Variants in MED23 observed in about 807,000 individuals in gnomAD.
The protein encoded by MED23 is mediator complex subunit 23, also known as mediator of RNA polymerase II transcription subunit 23.
MED23 carries 105 observed loss-of-function variants against 163.9 expected under a neutral mutation model. The ratio of observed to expected loss-of-function variants is 0.64; its 90% confidence interval spans 0.55 to 0.75. The LOEUF is 0.75. Ranked by LOEUF, MED23 falls within the 30% of genes least tolerant of loss-of-function variation. MED23 has a pLI of 0.00. For synonymous variants in MED23, 561 were observed against 565.6 expected (o/e 0.99, Z 0.12); for missense variants, 1,054 against 1,649.0 (o/e 0.64, Z 6.25).
intron 24 of MED23, chr6:131,592,664 AATCATT>A (rs1774732920): frequency 1.6e-6 from 1 of 613,500 alleles, no homozygotes; most frequent in Admixed American, 2.8e-5. Flanking sequence ...CTTCCTCCCC[AATCATT>A]ATCCCATACT....
intron 1 of MED23, 90 bp from the exon 2 acceptor site, chr6:131,627,762 G>T: frequency 1.6e-6 from 2 of 1,266,932 alleles, no homozygotes; most frequent in Non-Finnish European, 2.3e-6. Context: ...CACAGGGCAA[G>T]TCACCTTAAT....
At chr6:131,619,993 A>G in intron 7 of MED23, 97 bp from the exon 8 acceptor site, 1 of 794,000 alleles carries the variant, frequency 1.3e-6, no homozygotes, top group Non-Finnish European at 2.2e-6. Flanking sequence ...AAAATGAGAT[A>G]ATATATGTAA....
rs751510814 is a variant in MED23 at position 131,590,475 on chromosome 6, T to C, written c.3687-33A>G. ...TTGAAGATAAAAATCTCCTGTGACT[T>C]GAAATTATTTAAATTGTTTGAATTT... On this transcript the variant is annotated intron_variant, in intron 26 of 28. Coordinates refer to ENST00000368068, the MANE Select transcript of MED23 (RefSeq NM_004830.4). 3.3e-6 allele frequency: 5 copies of C among 1,519,164 alleles called. No homozygotes were observed. In the East Asian group the frequency reaches 9.1e-5, roughly 28 times the overall value. The allele number at this position is 1,519,164 out of a possible 1,614,324, so 94.1% of individuals were successfully genotyped here.
At chr6:131,592,527 C>T in intron 24 of MED23, 67 bp from the exon 25 acceptor site, 1 of 1,343,024 alleles carries the variant, frequency 7.4e-7, no homozygotes. Flanking sequence ...GACAACGGAT[C>T]TTATTTTTAA....
downstream of MED23, chr6:131,583,762 A>G (rs1774060317): frequency 1.2e-6 from 2 of 1,614,046 alleles, no homozygotes; most frequent in Non-Finnish European, 1.7e-6. Context: ...AGGATTAGAT[A>G]TAATGGAAGT....
intron 17 of MED23, among the ~76,000 whole-genome samples, chr6:131,601,903 C>T (rs1775512824): frequency 6.6e-6 from 1 of 151,396 alleles, no homozygotes; most frequent in Non-Finnish European, 1.5e-5. Context: ...AGATATAATC[C>T]ATATAAACAG....
chr6:131,583,179 T>A (rs1562361041), downstream of MED23: 2 of 1,608,938 alleles, frequency 1.2e-6, no homozygotes, highest in Non-Finnish European at 1.7e-6. Flanking sequence ...GATTCTTTTG[T>A]GTGTGCACAC....
chr6:131,574,096 TAAAG>T, exon 31 of MED23: 1 of 691,280 alleles, frequency 1.4e-6, no homozygotes, highest in South Asian at 1.7e-5. Context: ...CTTATTCTAG[TAAAG>T]AGAGTGTGAT....
intron 14 of MED23, 150 bp downstream of exon 14, chr6:131,605,089 AT>A (rs1585511997): frequency 5.2e-6 from 4 of 775,728 alleles, no homozygotes; most frequent in Non-Finnish European, 8.0e-6. Context: ...ATAATAAAAA[AT>A]ATTTACTTTT....
chr6:131,596,229 A>C, intron 21 of MED23, 66 bp from the exon 22 acceptor site: 3 of 1,370,288 alleles, frequency 2.2e-6, no homozygotes, highest in South Asian at 2.4e-5. Flanking sequence ...AAAGAGCTAA[A>C]TGTGAAAACA....
intron 11 of MED23, among the ~76,000 whole-genome samples, chr6:131,609,364 T>A (rs1049584962): frequency 6.6e-6 from 1 of 152,116 alleles, no homozygotes; most frequent in Non-Finnish European, 1.5e-5. Flanking sequence ...TTCTCACACA[T>A]CTCTATCCCT....
Position 131,596,332 on chromosome 6 carries a change from G to T in MED23, c.2779-169C>A, listed in dbSNP as rs930442986. ...AGAAGTCCTTATGTCCACTAAAACT[G>T]CAGTTTCAATTTATTCTCAACATTA... is the stretch of plus-strand genomic sequence containing the variant. On this transcript the variant is annotated intron_variant, in intron 21 of 28. Coordinates refer to ENST00000368068, the MANE Select transcript of MED23 (RefSeq NM_004830.4). 10 of 854,816 alleles carry T rather than the reference G, an allele frequency of 1.2e-5. No homozygotes were observed. The African/African-American group carries it at 1.7e-4, about 15-fold the overall frequency. 53.0% of individuals were successfully genotyped at this position (854,816 alleles called of 1,614,324 possible). A position where few individuals can be genotyped will look rare whatever the true frequency, so the allele number is the denominator to read the frequency against.
exon 31 of MED23, chr6:131,574,073 C>T: frequency 3.5e-5 from 21 of 599,094 alleles, no homozygotes; most frequent in Admixed American, 1.1e-4. Context: ...ACTTTTTTTT[C>T]TGCCTGGGCA....
chr6:131,606,289 C>T (rs1301120304), intron 13 of MED23, among the ~76,000 whole-genome samples, 190 bp downstream of exon 13: 2 of 151,402 alleles, frequency 1.3e-5, no homozygotes, highest in Admixed American at 6.6e-5. Flanking sequence ...CAAGACTAAC[C>T]TTGTAGCTGT....
At chr6:131,604,460 G>T in intron 14 of MED23, 140 bp from the exon 15 acceptor site, 1 of 988,280 alleles carries the variant, frequency 1.0e-6, no homozygotes, top group Non-Finnish European at 1.5e-6. Flanking sequence ...TGTTTAAGCT[G>T]TGCAGGACAC....
At chr6:131,627,781 A>T (rs1562413029) in intron 1 of MED23, 109 bp from the exon 2 acceptor site, 3 of 1,138,332 alleles carry the variant, frequency 2.6e-6, no homozygotes, top group Non-Finnish European at 3.9e-6. Flanking sequence ...ATCAGCTCTG[A>T]AACTATCAAT....
rs571176983 is a variant in MED23 at position 131,618,375 on chromosome 6, G to A, written c.780+32C>T. On this transcript the variant is annotated intron_variant, in intron 9 of 28. Transcript: ENST00000368068. Reference sequence around the variant, plus strand: ...AATCTAGGTTGAAGACTGTCAGATGGACTAAAAGTGCCATTATATTTAGCA... The same window carrying A: ...AATCTAGGTTGAAGACTGTCAGATGAACTAAAAGTGCCATTATATTTAGCA... The A allele has an allele frequency of 2.1e-6, 3 of 1,414,278 alleles. No homozygotes were observed. In the South Asian group the frequency reaches 3.5e-5, roughly 16 times the overall value. The allele number at this position is 1,414,278 out of a possible 1,614,324, so 87.6% of individuals were successfully genotyped here. A position where few individuals can be genotyped will look rare whatever the true frequency, so the allele number is the denominator to read the frequency against.
At chr6:131,583,054 T>C (rs1230510854), downstream of MED23, 5 of 1,601,942 alleles carry the variant, frequency 3.1e-6, no homozygotes, top group African/African-American at 6.7e-5. Context: ...AATTTCTCTT[T>C]TATAGCTACA....
chr6:131,584,990 C>T (rs1774126864), downstream of MED23, among the ~76,000 whole-genome samples: 1 of 143,004 alleles, frequency 7.0e-6, no homozygotes, highest in African/African-American at 2.5e-5. Context: ...CAGAATGAGA[C>T]CCTGAAAAAA....
Sources: gnomAD v4.1 joint callset for allele counts (sites outside exome capture counted in the v4.1 genomes callset) on GRCh38, gnomAD v4.1.1 for gene constraint, MANE v1.5 for transcripts, NCBI Gene and HGNC (gene_info 2026-07-23, HGNC 2026-07-21) for gene names.